Variants in ATP8A1 observed in about 807,000 individuals in gnomAD.
ATP8A1 encodes the protein phospholipid-transporting ATPase IA.
A neutral mutation model predicts 177.7 loss-of-function variants in ATP8A1; 90 were observed. The ratio of observed to expected loss-of-function variants is 0.51; its 90% CI spans 0.43 to 0.60. The LOEUF is 0.60. ATP8A1 is among the 20% of genes least tolerant of loss of function. The pLI, the probability that ATP8A1 is intolerant of heterozygous loss-of-function variation, is 0.00. For synonymous variants in ATP8A1, 493 were observed against 485.9 expected (o/e 1.01, Z -0.19); for missense variants, 1,072 against 1,392.8 (o/e 0.77, Z 3.67).
At chr4:42,537,220 C>A (rs774443877) in intron 20 of ATP8A1, among the ~76,000 whole-genome samples, 1 of 151,572 alleles carries the variant, frequency 6.6e-6, no homozygotes, top group Non-Finnish European at 1.5e-5. Context: ...ACCCAGCATC[C>A]CTTTATGATT....
At chr4:42,477,054 G>C (rs1451545750) in intron 25 of ATP8A1, among the ~76,000 whole-genome samples, 3 of 152,086 alleles carry the variant, frequency 2.0e-5, no homozygotes, top group Admixed American at 6.6e-5. Flanking sequence ...TATATTTACT[G>C]ATGTTATTGA....
intron 22 of ATP8A1, among the ~76,000 whole-genome samples, chr4:42,520,270 A>T (rs1287991428): frequency 6.6e-6 from 1 of 152,132 alleles, no homozygotes; most frequent in Non-Finnish European, 1.5e-5. Flanking sequence ...CTGACATTAC[A>T]TATTAATTCT....
At chr4:42,650,123 C>G (rs757827195) in intron 1 of ATP8A1, among the ~76,000 whole-genome samples, 57 of 152,174 alleles carry the variant, frequency 3.7e-4, no homozygotes, top group African/African-American at 1.3e-3. Flanking sequence ...CAAACATTCC[C>G]ACAGCTGTAA....
chr4:42,577,234 T>G (rs1732557033), intron 12 of ATP8A1, among the ~76,000 whole-genome samples: 1 of 152,244 alleles, frequency 6.6e-6, no homozygotes, highest in South Asian at 2.1e-4. Flanking sequence ...AGTTACCCTA[T>G]TATTGCTATA....
chr4:42,579,955 C>A lies in ATP8A1; in HGVS notation c.858G>T (p.Lys286Asn). 5.0e-6 allele frequency: 8 copies of A among 1,606,794 alleles called. No homozygotes were observed. Among genetic ancestry groups the A allele is most frequent in the Non-Finnish European group, 6.8e-6 (8 of 1,176,676 alleles). ...LMQNSTSPPL[K>N]LSNVERITNV... ...TTGTAATCCGTTCCACATTTGAGAG[C>A]TTAAGTGGTGGACTTGTTGAATTCT... The change falls in exon 11 of 37, where the codon AAG becomes AAT. Residue 286 changes from lysine (K) to asparagine (N), a missense_variant. Transcript: ENST00000381668.
intron 22 of ATP8A1, among the ~76,000 whole-genome samples, chr4:42,519,184 C>A: frequency 6.6e-6 from 1 of 152,106 alleles, no homozygotes. Flanking sequence ...GTCTCCTGGG[C>A]TCAGGCAATT....
intron 15 of ATP8A1, among the ~76,000 whole-genome samples, chr4:42,560,047 A>G (rs982552558): frequency 2.0e-5 from 3 of 152,166 alleles, no homozygotes; most frequent in African/African-American, 7.2e-5. Flanking sequence ...GGAAACACAA[A>G]GGCCCATCAG....
At chr4:42,413,102 G>GT in intron 36 of ATP8A1, 89 bp from the exon 37 acceptor site, 1 of 1,013,678 alleles carries the variant, frequency 9.9e-7, no homozygotes, top group Non-Finnish European at 1.5e-6. Context: ...TCTAGCCTGG[G>GT]GAACAAATGC....
intron 4 of ATP8A1, among the ~76,000 whole-genome samples, chr4:42,623,591 C>T (rs1737723070): frequency 6.6e-6 from 1 of 152,118 alleles, no homozygotes; most frequent in South Asian, 2.1e-4. Flanking sequence ...AGCAAACTAA[C>T]ACAGGAACAG....
At chr4:42,561,147 C>T (rs114111389) in intron 15 of ATP8A1, among the ~76,000 whole-genome samples, 1,656 of 152,292 alleles carry the variant, frequency 0.011, 26 homozygotes, top group African/African-American at 0.037. Flanking sequence ...TAGCACCAAG[C>T]CACACAAACG....
intron 1 of ATP8A1, among the ~76,000 whole-genome samples, chr4:42,647,926 G>A (rs115686635): frequency 0.027 from 4,178 of 152,138 alleles, 71 homozygotes; most frequent in South Asian, 0.067. Flanking sequence ...CAGATACCTG[G>A]TCAAATCTTA....
intron 20 of ATP8A1, among the ~76,000 whole-genome samples, chr4:42,526,696 T>A (rs1363566600): frequency 6.6e-6 from 1 of 152,174 alleles, no homozygotes; most frequent in Non-Finnish European, 1.5e-5. Context: ...GAGTTAATGC[T>A]TAAGAAACTC....
At chr4:42,542,031 T>A (rs943176511) in intron 20 of ATP8A1, among the ~76,000 whole-genome samples, 1 of 152,088 alleles carries the variant, frequency 6.6e-6, no homozygotes, top group East Asian at 1.9e-4. Flanking sequence ...AGGGTTTGAG[T>A]GATAATGATG....
At chr4:42,460,083 G>A (rs761782236) in intron 27 of ATP8A1, among the ~76,000 whole-genome samples, 3 of 151,874 alleles carry the variant, frequency 2.0e-5, no homozygotes, top group African/African-American at 4.8e-5. Context: ...GAGCCACTGC[G>A]CCTGGCCTGT....
intron 6 of ATP8A1, among the ~76,000 whole-genome samples, chr4:42,598,630 T>C (rs1254675726): frequency 1.3e-5 from 2 of 152,190 alleles, no homozygotes; most frequent in African/African-American, 2.4e-5. Context: ...TCTGGGAATA[T>C]GACATACTTG....
chr4:42,428,238 T>C (rs1480704745), intron 33 of ATP8A1, among the ~76,000 whole-genome samples: 1 of 152,234 alleles, frequency 6.6e-6, no homozygotes, highest in Non-Finnish European at 1.5e-5. Context: ...ACCTGTGGCT[T>C]AGATTTCTCA....
At chr4:42,591,295 A>AT (rs35842869) in intron 6 of ATP8A1, among the ~76,000 whole-genome samples, 1 of 150,874 alleles carries the variant, frequency 6.6e-6, no homozygotes, top group Non-Finnish European at 1.5e-5. Context: ...AATGAAAATT[A>AT]TTTTTTAGGG....
intron 3 of ATP8A1, 65 bp downstream of exon 3, chr4:42,625,548 AT>A: frequency 1.6e-5 from 17 of 1,056,956 alleles, no homozygotes; most frequent in Admixed American, 2.4e-5. Context: ...ACCTCAGGGG[AT>A]TGGTCACGGG....
chr4:42,413,461 G>T (rs548000218), intron 36 of ATP8A1, among the ~76,000 whole-genome samples: 30 of 152,128 alleles, frequency 2.0e-4, no homozygotes, highest in Admixed American at 4.6e-4. Flanking sequence ...CACCATGTAC[G>T]GTCCCTTGGT....
Sources: allele counts gnomAD v4.1 joint callset (sites outside exome capture counted in the v4.1 genomes callset), GRCh38; gene constraint gnomAD v4.1.1; transcripts MANE v1.5; gene names NCBI Gene and HGNC (gene_info 2026-07-23, HGNC 2026-07-21).